The following GNPDA1 variants were observed in gnomAD, a reference collection of about 807,000 sequenced individuals.
GNPDA1 encodes the protein glucosamine-6-phosphate deaminase 1, also known as GNPDA 1.
In GNPDA1, 24 loss-of-function variants were observed where a neutral mutation model predicts 28.5. That is an observed-to-expected ratio of 0.84 (90% confidence interval 0.61 to 1.19). The LOEUF (loss-of-function observed/expected upper bound fraction) is 1.19, where lower values mean the gene tolerates loss of function less well. GNPDA1 is among the 50% of genes most tolerant of loss of function. The pLI is 0.00. For missense variants in GNPDA1, 264 were observed against 367.3 expected, an observed-to-expected ratio of 0.72 and a Z score of 2.30; for synonymous variants, 147 against 139.3, an observed-to-expected ratio of 1.06 and a Z score of -0.39.
At position 142,001,408 on chromosome 5, in the gene GNPDA1, C is replaced by T. The variant is rs947918522; in HGVS notation, c.*621G>A. ...CTCTGGATTTATCAATAGAAGCCTC[C>T]TCTTTGGCCCCACCCACCCAAATCC... On this transcript the variant is annotated 3_prime_UTR_variant, in exon 7 of 7. Transcript: ENST00000311337. 1 of 152,350 alleles carries T rather than the reference C, an allele frequency of 6.6e-6. No homozygotes were observed. Among genetic ancestry groups the T allele is most frequent in the Non-Finnish European group, 1.5e-5 (1 of 68,046 alleles). The allele number at this position is 152,350 out of a possible 1,614,324, so 9.4% of individuals were successfully genotyped here. A position where few individuals can be genotyped will look rare whatever the true frequency, so the allele number is the denominator to read the frequency against.
intron 2 of GNPDA1, among the ~76,000 whole-genome samples, chr5:142,008,951 C>T (rs1755872689): frequency 6.6e-6 from 1 of 151,796 alleles, no homozygotes; most frequent in South Asian, 2.1e-4. Context: ...ATGATGGTAT[C>T]ATGGTTGTGT....
At chr5:142,004,047 C>T (rs530548120) in intron 5 of GNPDA1, among the ~76,000 whole-genome samples, 37 of 152,274 alleles carry the variant, frequency 2.4e-4, no homozygotes, top group African/African-American at 7.0e-4. Context: ...CTATTTCTTC[C>T]GGACCCCTCA....
At chr5:142,007,593 G>C (rs351251) in intron 3 of GNPDA1, among the ~76,000 whole-genome samples, 133,202 of 152,238 alleles carry the variant, frequency 0.87, 58,465 homozygotes, top group East Asian at 0.98. Flanking sequence ...ATCATAAAAG[G>C]ATTAAATGAA....
intron 2 of GNPDA1, among the ~76,000 whole-genome samples, chr5:142,008,132 G>A (rs1755854061): frequency 6.6e-6 from 1 of 152,232 alleles, no homozygotes; most frequent in African/African-American, 2.4e-5. Context: ...GATCACTGCT[G>A]AATCTCCCAG....
chr5:142,007,569 C>T (rs141928228), intron 3 of GNPDA1, among the ~76,000 whole-genome samples: 2 of 152,334 alleles, frequency 1.3e-5, no homozygotes, highest in East Asian at 1.9e-4. Flanking sequence ...GTATAAGAAA[C>T]TTCCACATCT....
chr5:142,010,511 C>CTTT (rs749705822), intron 2 of GNPDA1, among the ~76,000 whole-genome samples: 2 of 46,842 alleles, frequency 4.3e-5, no homozygotes, highest in African/African-American at 1.0e-4. Context: ...TCTTTTCTTT[C>CTTT]TTTTTTTTTT....
At position 142,006,150 on chromosome 5, in the gene GNPDA1, C is replaced by T. The variant is rs757764672; in HGVS notation, c.403G>A (p.Val135Ile). 6.2e-7 allele frequency: 1 copy of T among 1,612,190 alleles called. No individual in the cohort carries two copies. The highest frequency in any genetic ancestry group is 8.5e-7 in the Non-Finnish European group (1 of 1,178,670). The change falls in exon 4 of 7, where the codon GTT becomes ATT. Residue 135 changes from valine (V) to isoleucine (I), a missense_variant. Coordinates refer to ENST00000311337, the MANE Select transcript of GNPDA1 (RefSeq NM_005471.5). ...TGCAGAGTGTCAAGCTCACCTCCAA[C>T]AAATAGCTCGATCCCACCTGCAGCC... ...IKAAGGIELF[V>I]GGIGPDGHIA...
In GNPDA1 at chr5:142,006,282, T is replaced by C. The variant is rs768793423; in HGVS notation, c.271A>G (p.Asn91Asp). Reference sequence around the variant, plus strand: ...ATGTCAATGTGCTTGAAGAAGTTGTTCCACATGAAGGAGTGGTAACTCTCC... The same window carrying C: ...ATGTCAATGTGCTTGAAGAAGTTGTCCCACATGAAGGAGTGGTAACTCTCC... ...HPESYHSFMW[N>D]NFFKHIDIHP... Residue 91 changes from asparagine (N) to aspartate (D), a missense_variant, in exon 4 of 7, where the codon AAC (asparagine) becomes GAC (aspartate). Physicochemically the swap from Asn to Asp is conservative, Grantham distance 23. Coordinates refer to ENST00000311337, the MANE Select transcript of GNPDA1 (RefSeq NM_005471.5). The C allele has an allele frequency of 3.1e-6, 5 of 1,614,074 alleles. No homozygotes were observed. Among genetic ancestry groups the C allele is most frequent in the Non-Finnish European group, 4.2e-6 (5 of 1,179,958 alleles).
intron 5 of GNPDA1, among the ~76,000 whole-genome samples, chr5:142,004,511 T>C (rs772025476): frequency 6.6e-6 from 1 of 152,250 alleles, no homozygotes; most frequent in Non-Finnish European, 1.5e-5. Context: ...TATTAATCTC[T>C]GAGCACGGGG....
intron 2 of GNPDA1, among the ~76,000 whole-genome samples, chr5:142,010,938 A>G (rs1755936266): frequency 6.6e-6 from 1 of 152,136 alleles, no homozygotes; most frequent in African/African-American, 2.4e-5. Flanking sequence ...AACCATACTC[A>G]TTCACTTATA....
At chr5:142,002,705 G>A (rs753880247) in intron 6 of GNPDA1, among the ~76,000 whole-genome samples, 2 of 152,092 alleles carry the variant, frequency 1.3e-5, no homozygotes, top group Non-Finnish European at 2.9e-5. Flanking sequence ...AGTGAGCTGA[G>A]ATCACACCAC....
In GNPDA1 at chr5:142,006,179, A is replaced by T. The variant is rs1325973124; in HGVS notation, c.374T>A (p.Ile125Asn). 3 of 1,613,910 alleles carry T rather than the reference A, an allele frequency of 1.9e-6. No individual in the cohort carries two copies. The highest frequency in any genetic ancestry group is 2.7e-5 in the African/African-American group (2 of 74,912). Reference sequence around the variant, plus strand: ...TAGCTCGATCCCACCTGCAGCCTTGATCTTCTCTTCAAAGGCATCACATTC... The same window carrying T: ...TAGCTCGATCCCACCTGCAGCCTTGTTCTTCTCTTCAAAGGCATCACATTC... ...QAECDAFEEK[I>N]KAAGGIELFV... is the part of the protein sequence containing the mutation. Residue 125 changes from isoleucine (I) to asparagine (N), a missense_variant, in exon 4 of 7, where the codon ATC becomes AAC. Physicochemically the swap from Ile to Asn is moderately radical, Grantham distance 149. Coordinates refer to ENST00000311337, the MANE Select transcript of GNPDA1 (RefSeq NM_005471.5).
chr5:142,004,114 C>A (rs1403732818), intron 5 of GNPDA1, among the ~76,000 whole-genome samples: 1 of 152,154 alleles, frequency 6.6e-6, no homozygotes, highest in African/African-American at 2.4e-5. Flanking sequence ...CAGGTCCTTT[C>A]CCAGATCAAG....
At chr5:142,011,832 T>G in intron 2 of GNPDA1, 80 bp downstream of exon 2, 1 of 1,534,780 alleles carries the variant, frequency 6.5e-7, no homozygotes, top group Non-Finnish European at 9.0e-7. Context: ...GTCCCTTGGC[T>G]GAGTGAGCCG....
Position 142,003,017 on chromosome 5 carries a change from G to A in GNPDA1, c.769+71C>T. The A allele has an allele frequency of 7.9e-7, 1 of 1,261,424 alleles. No individual in the cohort carries two copies. Among genetic ancestry groups the A allele is most frequent in the Non-Finnish European group, 1.1e-6 (1 of 897,384 alleles). The allele number at this position is 1,261,424 out of a possible 1,614,324, so 78.1% of individuals were successfully genotyped here. A position where few individuals can be genotyped will look rare whatever the true frequency, so the allele number is the denominator to read the frequency against. ...CAATTAAAATGACCAGAGGATGAAA[G>A]CTGGATCTACTCCTTACTCCTAGCA... On this transcript the variant is annotated intron_variant, in intron 6 of 6. Coordinates refer to ENST00000311337, the MANE Select transcript of GNPDA1 (RefSeq NM_005471.5). The surrounding 1 kb of genome is among the most constrained non-coding windows in gnomAD (Gnocchi z 4.0).
Position 142,012,059 on chromosome 5 carries a change from G to C in GNPDA1, c.-6-18C>G, listed in dbSNP as rs778283552. 1.0e-5 allele frequency: 16 copies of C among 1,576,236 alleles called. No homozygotes were observed. Among genetic ancestry groups the C allele is most frequent in the Non-Finnish European group, 1.3e-5 (15 of 1,150,212 alleles). ...ATCTTGTCCTGCAGTGGGGGAGAGG[G>C]GATGACAGAAAGGAATCAATGGTAA... is the stretch of plus-strand genomic sequence containing the variant. On this transcript the variant is annotated intron_variant, in intron 1 of 6. Transcript: ENST00000311337.
intron 3 of GNPDA1, among the ~76,000 whole-genome samples, 180 bp downstream of exon 3, chr5:142,007,619 C>T (rs978030547): frequency 1.3e-5 from 2 of 152,138 alleles, no homozygotes; most frequent in African/African-American, 4.8e-5. Flanking sequence ...TGCTTACAAC[C>T]TGTGAGGTCA....
chr5:142,004,761 T>C (rs1418814909), intron 5 of GNPDA1, 171 bp downstream of exon 5: 7 of 479,398 alleles, frequency 1.5e-5, no homozygotes, highest in Non-Finnish European at 2.6e-5. Flanking sequence ...GGAATAATGA[T>C]GTCTTCCAAA....
intron 2 of GNPDA1, among the ~76,000 whole-genome samples, chr5:142,009,565 G>A (rs1472952661): frequency 1.3e-5 from 2 of 152,104 alleles, no homozygotes; most frequent in Non-Finnish European, 2.9e-5. Flanking sequence ...TTTGCATACA[G>A]AGGGTACTCA....
Sources: gnomAD v4.1 joint callset for allele counts (sites outside exome capture counted in the v4.1 genomes callset) on GRCh38, gnomAD v4.1.1 for gene constraint, Gnocchi (gnomAD v3.1) non-coding constraint, MANE v1.5 for transcripts, NCBI Gene and HGNC (gene_info 2026-07-23, HGNC 2026-07-21) for gene names.